MYH15: variants seen among roughly 807,000 people sequenced by gnomAD.
MYH15 encodes the protein myosin heavy chain 15, also known as myosin-15.
MYH15 carries 227 observed loss-of-function variants against 240.5 expected under a neutral mutation model. That is an observed-to-expected ratio of 0.94 (90% CI 0.85 to 1.05). MYH15 has a LOEUF of 1.05. Ranked by LOEUF, MYH15 falls within the 50% of genes least tolerant of loss-of-function variation. The pLI is 0.00. For missense variants in MYH15, 2,217 were observed against 2,247.5 expected (o/e 0.99, Z 0.27); for synonymous variants, 785 against 796.7 (o/e 0.99, Z 0.25).
chr3:108,415,570 G>A (rs953429664), intron 29 of MYH15, among the ~76,000 whole-genome samples: 40 of 151,894 alleles, frequency 2.6e-4, no homozygotes, highest in African/African-American at 9.7e-4. Flanking sequence ...AGAAATAAGG[G>A]GATACACAAA....
chr3:108,408,322 T>C lies in MYH15; in HGVS notation c.4578A>G (p.Glu1526=), dbSNP rs564636419. 60 of 1,613,568 alleles carry C rather than the reference T, an allele frequency of 3.7e-5. No individual in the cohort carries two copies. The highest frequency in any genetic ancestry group is 5.1e-5 in the Non-Finnish European group (60 of 1,179,894). ...TEMEKVKKLI[E]EEKTEVQVTL... ...TCACCTGGACTTCTGTCTTCTCTTC[T>C]TCAATTAGTTTCTTGACCTTTTCCA... Residue 1526 remains glutamate (E), a synonymous_variant, in exon 32 of 41, where the codon GAA becomes GAG. Coordinates refer to ENST00000693548, the MANE Select transcript of MYH15 (RefSeq NM_014981.3).
At chr3:108,397,183 C>G (rs529795468) in intron 35 of MYH15, among the ~76,000 whole-genome samples, 1 of 152,318 alleles carries the variant, frequency 6.6e-6, no homozygotes, top group African/African-American at 2.4e-5. Flanking sequence ...CCATGAGCTG[C>G]AAGATAAAAT....
chr3:108,424,377 G>T (rs530421513), intron 27 of MYH15, among the ~76,000 whole-genome samples: 113 of 152,282 alleles, frequency 7.4e-4, no homozygotes, highest in African/African-American at 2.1e-3. Context: ...AAGACAATTA[G>T]ATTGTTTATC....
At chr3:108,493,364 T>A (rs900222195) in intron 7 of MYH15, among the ~76,000 whole-genome samples, 187 bp from the exon 8 acceptor site, 1 of 151,620 alleles carries the variant, frequency 6.6e-6, no homozygotes, top group South Asian at 2.1e-4. Context: ...GGGTTTGAGA[T>A]GAGACAGCAC....
intron 31 of MYH15, 55 bp from the exon 32 acceptor site, chr3:108,408,459 A>G: frequency 2.0e-6 from 3 of 1,532,990 alleles, no homozygotes; most frequent in Non-Finnish European, 2.6e-6. Context: ...TCTCAAACCA[A>G]TGATACCAGG....
chr3:108,382,878 T>C (rs2082353427), intron 40 of MYH15, among the ~76,000 whole-genome samples: 1 of 152,224 alleles, frequency 6.6e-6, no homozygotes, highest in South Asian at 2.1e-4. Flanking sequence ...CTTTGATTCC[T>C]TTCGCCTAAA....
chr3:108,517,301 A>G (rs2083581167), intron 1 of MYH15, among the ~76,000 whole-genome samples: 2 of 152,034 alleles, frequency 1.3e-5, no homozygotes, highest in Non-Finnish European at 2.9e-5. Flanking sequence ...CTCTGCACTG[A>G]GCTATTCGCT....
chr3:108,467,188 G>T (rs1462539610), intron 14 of MYH15, among the ~76,000 whole-genome samples: 1 of 151,678 alleles, frequency 6.6e-6, no homozygotes, highest in Non-Finnish European at 1.5e-5. Flanking sequence ...GAACTTGACT[G>T]CTTTGCTGTG....
intron 17 of MYH15, 111 bp from the exon 18 acceptor site, chr3:108,459,560 ATTC>A: frequency 1.7e-6 from 1 of 577,948 alleles, no homozygotes; most frequent in Non-Finnish European, 3.0e-6. Flanking sequence ...GCCAAGATGT[ATTC>A]TAACAGTAAA....
chr3:108,544,595 G>A, the MYH15 span, among the ~76,000 whole-genome samples: 1 of 152,148 alleles, frequency 6.6e-6, no homozygotes, highest in African/African-American at 2.4e-5. Context: ...TGCATGAAAT[G>A]TCATTCAGAC....
chr3:108,541,330 TAAA>T, the MYH15 span, among the ~76,000 whole-genome samples: 1 of 151,138 alleles, frequency 6.6e-6, no homozygotes, highest in Non-Finnish European at 1.5e-5. Context: ...AAATTACAAA[TAAA>T]AAATTCTTCA....
intron 27 of MYH15, among the ~76,000 whole-genome samples, chr3:108,422,411 T>C (rs2082691035): frequency 6.6e-6 from 1 of 152,042 alleles, no homozygotes; most frequent in African/African-American, 2.4e-5. Flanking sequence ...AAAGATGGGG[T>C]TTCACCATTT....
intron 9 of MYH15, among the ~76,000 whole-genome samples, chr3:108,491,322 C>T (rs914901011): frequency 1.3e-5 from 2 of 152,208 alleles, no homozygotes; most frequent in African/African-American, 4.8e-5. Context: ...GTACACATAG[C>T]AGCTCCATAA....
At chr3:108,446,504 C>T (rs3996016) in intron 21 of MYH15, among the ~76,000 whole-genome samples, 152,126 of 152,342 alleles carry the variant, frequency 1, 75,955 homozygotes, top group Middle Eastern at 1. Context: ...CTACTTCAAA[C>T]GCACAAACAC....
chr3:108,492,125 G>A (rs141977440), intron 9 of MYH15, among the ~76,000 whole-genome samples: 50 of 151,662 alleles, frequency 3.3e-4, no homozygotes, highest in African/African-American at 1.1e-3. Context: ...CACACACTAT[G>A]ATGCTATTTC....
At chr3:108,460,982 C>G (rs1477394202) in intron 16 of MYH15, among the ~76,000 whole-genome samples, 1 of 152,038 alleles carries the variant, frequency 6.6e-6, no homozygotes, top group Non-Finnish European at 1.5e-5. Context: ...TTTTTAGCAA[C>G]ATTCATGTAT....
chr3:108,521,270 T>C (rs1021060800), intron 1 of MYH15, among the ~76,000 whole-genome samples: 8 of 152,096 alleles, frequency 5.3e-5, no homozygotes, highest in African/African-American at 1.9e-4. Context: ...AAGGGGAGAT[T>C]AGCCAGTCGA....
At chr3:108,491,013 G>A (rs1283081339) in intron 9 of MYH15, among the ~76,000 whole-genome samples, 1 of 152,008 alleles carries the variant, frequency 6.6e-6, no homozygotes, top group African/African-American at 2.4e-5. Flanking sequence ...TCAGTCTCCT[G>A]AGTAGCCAGA....
intron 19 of MYH15, 135 bp from the exon 20 acceptor site, chr3:108,455,994 C>G (rs1320128424): frequency 2.3e-6 from 2 of 856,862 alleles, no homozygotes; most frequent in Non-Finnish European, 3.6e-6. Flanking sequence ...TCACAAGATT[C>G]TTAGTAACAA....
Sources: allele counts gnomAD v4.1 joint callset (sites outside exome capture counted in the v4.1 genomes callset), GRCh38; gene constraint gnomAD v4.1.1; transcripts MANE v1.5; gene names NCBI Gene and HGNC (gene_info 2026-07-23, HGNC 2026-07-21).